PARD3B: variants seen among roughly 807,000 people sequenced by gnomAD.
PARD3B encodes par-3 family cell polarity regulator beta, also known as partitioning defective 3 homolog B.
Under a neutral mutation model 130.2 loss-of-function variants are expected in PARD3B, and 103 were observed. That is an observed-to-expected ratio of 0.79 (90% CI 0.67 to 0.93). The LOEUF (loss-of-function observed/expected upper bound fraction) is 0.93, where lower values mean the gene tolerates loss of function less well. Among genes scored for constraint, PARD3B ranks in the 40% least tolerant of loss-of-function variants. The probability of loss-of-function intolerance (pLI) is 0.00; values close to 1 mark genes in which losing one functional copy is unlikely to be tolerated. For missense variants in PARD3B, 1,609 were observed against 1,499.2 expected (o/e 1.07, Z -1.21); for synonymous variants, 583 against 553.2 (o/e 1.05, Z -0.76).
At chr2:204,835,943 G>A (rs940662572) in intron 2 of PARD3B, among the ~76,000 whole-genome samples, 1 of 152,132 alleles carries the variant, frequency 6.6e-6, no homozygotes, top group Non-Finnish European at 1.5e-5. Flanking sequence ...GACTTACAGT[G>A]GATTATCAAG....
intron 1 of PARD3B, among the ~76,000 whole-genome samples, chr2:204,575,312 T>C (rs1233809390): frequency 6.6e-6 from 1 of 152,240 alleles, no homozygotes; most frequent in Non-Finnish European, 1.5e-5. Flanking sequence ...AGTGAACCTT[T>C]AAAATATTAA....
At chr2:205,611,945 G>C (rs1243054000) in intron 22 of PARD3B, among the ~76,000 whole-genome samples, 1 of 152,166 alleles carries the variant, frequency 6.6e-6, no homozygotes, top group Non-Finnish European at 1.5e-5. Context: ...GGATTCCTCA[G>C]GGTTGGCTCA....
intron 21 of PARD3B, among the ~76,000 whole-genome samples, chr2:205,511,673 T>C (rs1265297790): frequency 6.6e-6 from 1 of 152,228 alleles, no homozygotes; most frequent in Non-Finnish European, 1.5e-5. Context: ...TAGCAGTGCT[T>C]AAATGTTCTA....
At chr2:204,748,390 GACAGATGTCCT>G (rs2040330940) in intron 2 of PARD3B, among the ~76,000 whole-genome samples, 1 of 152,062 alleles carries the variant, frequency 6.6e-6, no homozygotes, top group African/African-American at 2.4e-5. Flanking sequence ...AATATACTAG[GACAGATGTCCT>G]AGTGTAATGT....
chr2:205,547,308 G>A (rs146515422), intron 21 of PARD3B, among the ~76,000 whole-genome samples: 9 of 152,148 alleles, frequency 5.9e-5, no homozygotes, highest in African/African-American at 1.4e-4. Context: ...TCAATCCACC[G>A]AAATCACTCT....
At chr2:205,420,138 A>G (rs75293919) in intron 19 of PARD3B, among the ~76,000 whole-genome samples, 2 of 152,276 alleles carry the variant, frequency 1.3e-5, no homozygotes, top group East Asian at 3.9e-4. Context: ...CTAGGGTTCC[A>G]GGTGGAATTG....
chr2:204,897,385 G>GTTTTTTTTT (rs56693580), intron 2 of PARD3B, among the ~76,000 whole-genome samples: 16 of 127,658 alleles, frequency 1.3e-4, no homozygotes, highest in Non-Finnish European at 1.9e-4. Context: ...TGTAGGTACT[G>GTTTTTTTTT]TTTTTTTTTT....
chr2:204,782,579 G>A (rs1034201872), intron 2 of PARD3B, among the ~76,000 whole-genome samples: 5 of 150,944 alleles, frequency 3.3e-5, no homozygotes, highest in East Asian at 1.9e-4. Context: ...AGCTATATAC[G>A]TAGATACATC....
chr2:205,311,704 A>G (rs554101757), intron 18 of PARD3B, among the ~76,000 whole-genome samples: 2 of 152,374 alleles, frequency 1.3e-5, no homozygotes, highest in African/African-American at 4.8e-5. Context: ...AGCTAAAATC[A>G]TTCAATCATT....
intron 20 of PARD3B, among the ~76,000 whole-genome samples, chr2:205,480,235 T>G (rs945696678): frequency 6.6e-6 from 1 of 152,170 alleles, no homozygotes; most frequent in Non-Finnish European, 1.5e-5. Context: ...ATTAATTGAT[T>G]ACACTCATTC....
chr2:204,895,604 T>C (rs1418225001), intron 2 of PARD3B, among the ~76,000 whole-genome samples: 1 of 152,152 alleles, frequency 6.6e-6, no homozygotes, highest in Non-Finnish European at 1.5e-5. Context: ...ACTGAACATT[T>C]ATTGTTTTAT....
At chr2:204,607,528 T>A (rs148022719) in intron 1 of PARD3B, among the ~76,000 whole-genome samples, 3 of 152,186 alleles carry the variant, frequency 2.0e-5, no homozygotes, top group Non-Finnish European at 4.4e-5. Context: ...GACTGGGCCT[T>A]GTAAGGACTA....
intron 1 of PARD3B, among the ~76,000 whole-genome samples, chr2:204,611,734 T>G (rs536119934): frequency 6.6e-6 from 1 of 152,332 alleles, no homozygotes; most frequent in East Asian, 1.9e-4. Context: ...GGACAAAGTC[T>G]CCAATTATTT....
intron 18 of PARD3B, among the ~76,000 whole-genome samples, chr2:205,367,719 G>A (rs2044662133): frequency 6.6e-6 from 1 of 152,120 alleles, no homozygotes; most frequent in Admixed American, 6.5e-5. Flanking sequence ...AGTGTAAGTG[G>A]GCTTGTTCCA....
At chr2:205,607,664 T>G (rs1198319441) in intron 22 of PARD3B, among the ~76,000 whole-genome samples, 1 of 152,190 alleles carries the variant, frequency 6.6e-6, no homozygotes, top group Non-Finnish European at 1.5e-5. Context: ...TCTTTGCAAT[T>G]CTAAACCCAA....
At chr2:205,326,659 T>A (rs914108320) in intron 18 of PARD3B, among the ~76,000 whole-genome samples, 2 of 152,186 alleles carry the variant, frequency 1.3e-5, no homozygotes, top group Non-Finnish European at 1.5e-5. Context: ...CTTGATATAA[T>A]TAAATGATTA....
intron 22 of PARD3B, among the ~76,000 whole-genome samples, chr2:205,579,979 A>G (rs553683830): frequency 6.6e-6 from 1 of 152,218 alleles, no homozygotes. Flanking sequence ...TAACGGGGGA[A>G]TAAAGTCTAA....
chr2:205,086,798 AAGCCCAC>A (rs1476037344), intron 4 of PARD3B, among the ~76,000 whole-genome samples: 8 of 152,208 alleles, frequency 5.3e-5, no homozygotes, highest in African/African-American at 1.9e-4. Context: ...CTGGATGATG[AAGCCCAC>A]AGGGGTGGGT....
intron 20 of PARD3B, chr2:205,482,821 A>G (rs2049294276): frequency 1.3e-5 from 2 of 152,208 alleles, no homozygotes; most frequent in Admixed American, 1.3e-4. Flanking sequence ...TGACGTCACC[A>G]TGCGGCTGAT....
Sources: gnomAD v4.1 joint callset for allele counts (sites outside exome capture counted in the v4.1 genomes callset) on GRCh38, gnomAD v4.1.1 for gene constraint, MANE v1.5 for transcripts, NCBI Gene and HGNC (gene_info 2026-07-23, HGNC 2026-07-21) for gene names.